The following VGLL4 variants were observed in gnomAD, a reference collection of about 807,000 sequenced individuals.
The protein encoded by VGLL4 is vestigial like family member 4.
A neutral mutation model predicts 21.0 loss-of-function variants in VGLL4; 7 were observed. The observed-to-expected ratio is 0.33, with a 90% confidence interval of 0.19 to 0.63. The LOEUF (loss-of-function observed/expected upper bound fraction) is 0.63. Ranked by LOEUF, VGLL4 falls within the 20% of genes least tolerant of loss-of-function variation. The probability of loss-of-function intolerance (pLI) is 0.78; values close to 1 mark genes in which losing one functional copy is unlikely to be tolerated. For missense variants in VGLL4, 394 were observed against 425.7 expected, an observed-to-expected ratio of 0.93 and a Z score of 0.66; for synonymous variants, 222 against 173.2, an observed-to-expected ratio of 1.28 and a Z score of -2.21.
upstream of VGLL4, among the ~76,000 whole-genome samples, chr3:11,646,325 T>G (rs2075791683): frequency 6.6e-6 from 1 of 152,232 alleles, no homozygotes; most frequent in African/African-American, 2.4e-5. Context: ...GGAGTACTCT[T>G]ACTGTGCTAC....
intron 1 of VGLL4, among the ~76,000 whole-genome samples, chr3:11,631,904 G>C (rs1010027694): frequency 3.3e-5 from 5 of 152,196 alleles, no homozygotes; most frequent in Admixed American, 3.3e-4. Flanking sequence ...CATGAGGTCA[G>C]AGCTCATCAT....
chr3:11,627,894 G>A (rs1391683500), intron 1 of VGLL4, among the ~76,000 whole-genome samples: 9 of 152,178 alleles, frequency 5.9e-5, no homozygotes, highest in Admixed American at 5.9e-4. Context: ...AAAGGTTAAA[G>A]TACAAAAGTT....
chr3:11,642,895 T>C (rs1197049110), intron 1 of VGLL4, among the ~76,000 whole-genome samples: 1 of 152,082 alleles, frequency 6.6e-6, no homozygotes, highest in Non-Finnish European at 1.5e-5. Context: ...AGAGCCCGCC[T>C]GTGCTCGCTG....
At chr3:11,571,190 G>A (rs1289886518) in intron 2 of VGLL4, among the ~76,000 whole-genome samples, 1 of 152,140 alleles carries the variant, frequency 6.6e-6, no homozygotes, top group African/African-American at 2.4e-5. Flanking sequence ...CAATAGCGGG[G>A]TCCATCCTCG....
At chr3:11,642,700 G>A (rs1465543812) in intron 1 of VGLL4, among the ~76,000 whole-genome samples, 3 of 152,234 alleles carry the variant, frequency 2.0e-5, no homozygotes, top group African/African-American at 7.2e-5. Context: ...GGAAATACAA[G>A]ACAGTGGGGG....
chr3:11,686,135 AT>A (rs905551080), intron 2 of VGLL4, among the ~76,000 whole-genome samples: 8 of 152,206 alleles, frequency 5.3e-5, no homozygotes, highest in African/African-American at 1.9e-4. Context: ...TCCTCAAAAA[AT>A]TTTTAAAAAA....
intron 2 of VGLL4, among the ~76,000 whole-genome samples, chr3:11,689,673 T>C (rs1346383840): frequency 6.6e-6 from 1 of 152,190 alleles, no homozygotes; most frequent in Admixed American, 6.5e-5. Flanking sequence ...CATTCACACT[T>C]TGGAATAAAA....
At chr3:11,708,195 G>C (rs1439063475) in intron 1 of VGLL4, among the ~76,000 whole-genome samples, 1 of 152,122 alleles carries the variant, frequency 6.6e-6, no homozygotes, top group African/African-American at 2.4e-5. Context: ...GGCCTTATAG[G>C]TATTGAAATA....
chr3:11,667,842 C>CTTTTTTTTTTTTT (rs746416276), intron 2 of VGLL4, among the ~76,000 whole-genome samples: 2 of 69,334 alleles, frequency 2.9e-5, no homozygotes, highest in Admixed American at 2.1e-4. Flanking sequence ...CTATCTTCTT[C>CTTTTTTTTTTTTT]TTTTTTTTTT....
intron 1 of VGLL4, among the ~76,000 whole-genome samples, chr3:11,622,443 TA>T (rs2075281106): frequency 6.6e-6 from 1 of 152,124 alleles, no homozygotes; most frequent in Admixed American, 6.5e-5. Context: ...ATACTATTAC[TA>T]GATGGCAGAA....
chr3:11,664,913 A>T (rs1213671919), intron 2 of VGLL4, among the ~76,000 whole-genome samples: 1 of 151,558 alleles, frequency 6.6e-6, no homozygotes, highest in African/African-American at 2.4e-5. Context: ...GTGATCAGGC[A>T]TCCCAATTTT....
At chr3:11,704,563 C>A (rs1177133545) in intron 1 of VGLL4, among the ~76,000 whole-genome samples, 2 of 151,872 alleles carry the variant, frequency 1.3e-5, no homozygotes, top group East Asian at 3.9e-4. Context: ...GGGAGGCAGG[C>A]CACCGAGACA....
intron 1 of VGLL4, among the ~76,000 whole-genome samples, chr3:11,625,470 T>C (rs148121906): frequency 2.3e-4 from 35 of 152,356 alleles, no homozygotes; most frequent in African/African-American, 7.7e-4. Flanking sequence ...CATCTGAAAT[T>C]AGACAGATTA....
At chr3:11,567,112 G>C (rs2073572537) in intron 2 of VGLL4, among the ~76,000 whole-genome samples, 1 of 152,134 alleles carries the variant, frequency 6.6e-6, no homozygotes, top group Non-Finnish European at 1.5e-5. Flanking sequence ...GTGATGTTGT[G>C]ATGTCATTCT....
intron 2 of VGLL4, among the ~76,000 whole-genome samples, chr3:11,598,812 C>T (rs1196683583): frequency 1.3e-5 from 2 of 152,190 alleles, no homozygotes; most frequent in Non-Finnish European, 2.9e-5. Context: ...TCCAATAACA[C>T]TCCTTTCCCC....
At chr3:11,686,625 G>A (rs1422342630) in intron 2 of VGLL4, among the ~76,000 whole-genome samples, 7 of 152,156 alleles carry the variant, frequency 4.6e-5, no homozygotes, top group Non-Finnish European at 1.0e-4. Flanking sequence ...CCACTGAACT[G>A]TACACTTAAA....
rs144160872 is a variant in VGLL4 at position 11,642,593 on chromosome 3, G to A, written c.82+844C>T. Among the ~76,000 whole-genome samples, 1,429 of 152,352 alleles carry A rather than the reference G, an allele frequency of 9.4e-3. 14 individuals are homozygous for A. Among genetic ancestry groups the A allele is most frequent in the Middle Eastern group, 0.02 (6 of 294 alleles). On this transcript the variant is annotated intron_variant, in intron 1 of 4. Transcript: ENST00000430365. The stretch of plus-strand genomic sequence containing the variant: ...AACTCCCCCGGAGATGCCCTCGGCG[G>A]CAGACCCAGGGCCATTGCCACTTTT...
At chr3:11,716,259 G>A (rs763076027) in intron 1 of VGLL4, among the ~76,000 whole-genome samples, 4 of 144,766 alleles carry the variant, frequency 2.8e-5, no homozygotes, top group Admixed American at 7.1e-5. Context: ...CTGAGATCGC[G>A]CCACTGCACT....
intron 2 of VGLL4, among the ~76,000 whole-genome samples, chr3:11,689,796 A>G (rs539274560): frequency 1.4e-4 from 21 of 152,368 alleles, no homozygotes; most frequent in African/African-American, 4.1e-4. Flanking sequence ...AAAGTGTCCA[A>G]TGATGGGCTT....
Sources: gnomAD v4.1 joint callset for allele counts (sites outside exome capture counted in the v4.1 genomes callset) on GRCh38, gnomAD v4.1.1 for gene constraint, MANE v1.5 for transcripts, NCBI Gene and HGNC (gene_info 2026-07-23, HGNC 2026-07-21) for gene names.